Variants in PDE7B observed in about 807,000 individuals in gnomAD.
PDE7B encodes the protein phosphodiesterase 7B, also known as 3',5'-cyclic-AMP phosphodiesterase 7B.
PDE7B carries 29 observed loss-of-function variants against 56.2 expected under a neutral mutation model. That is an observed-to-expected ratio of 0.52 (90% CI 0.38 to 0.70). PDE7B has a LOEUF of 0.70. Ranked by LOEUF, PDE7B falls within the 30% of genes least tolerant of loss-of-function variation. PDE7B has a pLI of 0.00. For missense variants in PDE7B, 490 were observed against 565.0 expected (o/e 0.87, Z 1.35); for synonymous variants, 197 against 196.9 (o/e 1.00, Z 0.00).
chr6:136,191,719 C>T lies in PDE7B; in HGVS notation c.1232C>T (p.Ala411Val), dbSNP rs1450821024. The part of the protein sequence containing the change: ...NMLGHLAHNK[A>V]QWKSLLPRQH... ...CTGGGCCACCTCGCACACAACAAGG[C>T]CCAGTGGAAGAGCCTGTTGCCCAGG... Residue 411 changes from alanine (A) to valine (V), a missense_variant, in exon 13 of 13, where the codon GCC (alanine) becomes GTC (valine). Physicochemically the swap from Ala to Val is moderately conservative, Grantham distance 64. Transcript: ENST00000308191. The T allele has an allele frequency of 6.2e-7, 1 of 1,611,798 alleles. No individual in the cohort carries two copies. The highest frequency in any genetic ancestry group is 8.5e-7 in the Non-Finnish European group (1 of 1,179,068).
intron 1 of PDE7B, among the ~76,000 whole-genome samples, chr6:135,910,665 A>T (rs1776196046): frequency 6.6e-6 from 1 of 152,146 alleles, no homozygotes; most frequent in South Asian, 2.1e-4. Flanking sequence ...ATGTATAATG[A>T]TATCAATCCT....
intron 2 of PDE7B, among the ~76,000 whole-genome samples, chr6:136,084,269 A>G (rs1777252366): frequency 1.3e-5 from 2 of 152,230 alleles, no homozygotes; most frequent in African/African-American, 4.8e-5. Context: ...GCTTTCCCTG[A>G]CACAGGATGG....
At chr6:136,037,886 CTT>C (rs68164226) in intron 2 of PDE7B, 4 of 933,610 alleles carry the variant, frequency 4.3e-6, no homozygotes, top group Admixed American at 1.3e-4. Flanking sequence ...ACCTCGATGG[CTT>C]TTTTTTTTCT....
At chr6:136,167,865 T>A (rs1778820216) in intron 8 of PDE7B, among the ~76,000 whole-genome samples, 1 of 152,166 alleles carries the variant, frequency 6.6e-6, no homozygotes, top group Non-Finnish European at 1.5e-5. Flanking sequence ...ACCTAGCTTA[T>A]AATGTAGTAA....
At chr6:135,931,943 ACACG>A (rs1295931192) in intron 1 of PDE7B, among the ~76,000 whole-genome samples, 18 of 56,322 alleles carry the variant, frequency 3.2e-4, no homozygotes, top group African/African-American at 1.7e-3. Flanking sequence ...GCGCACACAC[ACACG>A]CGCGCGCACA....
intron 1 of PDE7B, among the ~76,000 whole-genome samples, chr6:135,938,548 C>A (rs796749161): frequency 4.6e-5 from 7 of 152,284 alleles, no homozygotes; most frequent in African/African-American, 1.7e-4. Context: ...ATGCCATAAG[C>A]CTTCACAGGT....
intron 2 of PDE7B, among the ~76,000 whole-genome samples, chr6:136,076,136 G>C (rs950643924): frequency 2.0e-5 from 3 of 152,114 alleles, no homozygotes; most frequent in South Asian, 2.1e-4. Context: ...TTTACTTCTT[G>C]GTACCACTAA....
chr6:136,048,237 T>C lies in PDE7B; in HGVS notation c.83-60494T>C, dbSNP rs564403921. Among the ~76,000 whole-genome samples the C allele has an allele frequency of 3.3e-5, 5 of 152,178 alleles. No individual in the cohort carries two copies. The East Asian group carries it at 9.6e-4, about 29-fold the overall frequency. ...GTAAAGGAGGTGTCAAGAAAGGAGA[T>C]GATGGGCTGGGCGCGGTGGCTCACG... On this transcript the variant is annotated intron_variant, in intron 2 of 12. Transcript: ENST00000308191.
chr6:135,879,617 T>C (rs1249275201), intron 1 of PDE7B, among the ~76,000 whole-genome samples: 2 of 152,126 alleles, frequency 1.3e-5, no homozygotes, highest in Non-Finnish European at 1.5e-5. Flanking sequence ...ATGACCATAA[T>C]TTGCTAAATG....
intron 1 of PDE7B, among the ~76,000 whole-genome samples, chr6:135,919,184 G>A (rs1272519089): frequency 6.6e-6 from 1 of 152,136 alleles, no homozygotes; most frequent in Admixed American, 6.5e-5. Flanking sequence ...GAGAGAACAA[G>A]CCAAGCCAAT....
chr6:135,934,297 G>A (rs1296512391), intron 1 of PDE7B, among the ~76,000 whole-genome samples: 1 of 152,096 alleles, frequency 6.6e-6, no homozygotes, highest in Non-Finnish European at 1.5e-5. Flanking sequence ...CCTTAACCCT[G>A]TACTAATGAG....
At chr6:136,187,792 A>G (rs1779164967) in intron 12 of PDE7B, among the ~76,000 whole-genome samples, 1 of 152,220 alleles carries the variant, frequency 6.6e-6, no homozygotes, top group African/African-American at 2.4e-5. Context: ...AGCGGAGGAA[A>G]TATTTTTGCT....
chr6:135,896,723 A>C (rs1328350274), intron 1 of PDE7B, among the ~76,000 whole-genome samples: 2 of 152,156 alleles, frequency 1.3e-5, no homozygotes, highest in Non-Finnish European at 2.9e-5. Context: ...AAACCAAATC[A>C]GTCTGGCTCC....
At chr6:135,871,780 C>G (rs1250477651) in intron 1 of PDE7B, among the ~76,000 whole-genome samples, 6 of 152,096 alleles carry the variant, frequency 3.9e-5, no homozygotes, top group African/African-American at 1.4e-4. Flanking sequence ...TATACACACA[C>G]ACACACACAC....
intron 3 of PDE7B, among the ~76,000 whole-genome samples, chr6:136,128,445 A>G (rs1403356871): frequency 6.6e-6 from 1 of 152,124 alleles, no homozygotes. Flanking sequence ...TCTACTTGTT[A>G]CACGTGTTTT....
chr6:136,185,714 A>G (rs931498085), intron 11 of PDE7B, among the ~76,000 whole-genome samples: 6 of 152,152 alleles, frequency 3.9e-5, no homozygotes, highest in African/African-American at 1.4e-4. Flanking sequence ...GCAGTGAGCT[A>G]TGATGACACC....
At chr6:135,958,018 G>A (rs1774828514) in intron 2 of PDE7B, among the ~76,000 whole-genome samples, 1 of 152,126 alleles carries the variant, frequency 6.6e-6, no homozygotes, top group Non-Finnish European at 1.5e-5. Flanking sequence ...GATACCCTGA[G>A]CTCAGGAGTT....
chr6:135,989,835 G>A (rs1463396670), intron 2 of PDE7B, among the ~76,000 whole-genome samples: 2 of 152,118 alleles, frequency 1.3e-5, no homozygotes, highest in African/African-American at 4.8e-5. Context: ...TCTGTTTGCT[G>A]TTTTGTTATT....
chr6:136,017,628 T>C (rs144641397), intron 2 of PDE7B, among the ~76,000 whole-genome samples: 1 of 152,134 alleles, frequency 6.6e-6, no homozygotes, highest in Non-Finnish European at 1.5e-5. Context: ...CTGAGAATGA[T>C]GGCAAACCTG....
Sources: allele counts gnomAD v4.1 joint callset (sites outside exome capture counted in the v4.1 genomes callset), GRCh38; gene constraint gnomAD v4.1.1; transcripts MANE v1.5; gene names NCBI Gene and HGNC (gene_info 2026-07-23, HGNC 2026-07-21).